The following WDR72 variants were observed in gnomAD, a reference collection of about 807,000 sequenced individuals.
The protein encoded by WDR72 is WD repeat-containing protein 72.
WDR72 carries 120 observed loss-of-function variants against 124.2 expected under a neutral mutation model. The ratio of observed to expected loss-of-function variants is 0.97; its 90% CI spans 0.83 to 1.12. The LOEUF (loss-of-function observed/expected upper bound fraction) is 1.12, where lower values mean the gene tolerates loss of function less well. Ranked by LOEUF, WDR72 falls within the 50% of genes most tolerant of loss-of-function variation. The probability of loss-of-function intolerance (pLI) is 0.00; values close to 1 mark genes in which losing one functional copy is unlikely to be tolerated. For missense variants in WDR72, 1,387 were observed against 1,278.8 expected (o/e 1.08, Z -1.29); for synonymous variants, 452 against 441.7 (o/e 1.02, Z -0.29).
At chr15:53,601,523 T>C (rs1007424362) in intron 17 of WDR72, among the ~76,000 whole-genome samples, 1 of 152,066 alleles carries the variant, frequency 6.6e-6, no homozygotes, top group African/African-American at 2.4e-5. Context: ...TAACCTTAAA[T>C]GTAAATGGAC....
intron 18 of WDR72, among the ~76,000 whole-genome samples, chr15:53,585,602 C>T (rs1478487342): frequency 1.3e-5 from 2 of 152,006 alleles, no homozygotes; most frequent in Non-Finnish European, 2.9e-5. Flanking sequence ...CTGTCTATTT[C>T]AGCAGACTCA....
rs2015750796 is a variant in WDR72, at chr15:53,665,607, G to T, written c.1927C>A (p.Pro643Thr). 2 of 1,613,884 alleles carry T rather than the reference G, an allele frequency of 1.2e-6. No homozygotes were observed. The highest frequency in any genetic ancestry group is 4.5e-5 in the East Asian group (2 of 44,874). Residue 643 changes from proline (P) to threonine (T), a missense_variant, in exon 14 of 20, where the codon CCT becomes ACT. Physicochemically the swap from Pro to Thr is conservative, Grantham distance 38 (BLOSUM62 -1). Transcript: ENST00000360509. ...GACTCCACCTGCAGACCAGGGCAAG[G>T]TAATGGCCCAAGCTGGTAGGGGCTG... is the stretch of plus-strand genomic sequence containing the variant. ...SSSPYQLGPL[P>T]CPGLQVESSC...
At position 53,616,126 on chromosome 15, in the gene WDR72, G is replaced by T. The variant is rs374643853; in HGVS notation, c.2080C>A (p.Leu694Ile). ...FDLENLVELLLPTPLSDVDSS... is the reference protein window; with the variant it reads ...FDLENLVELLIPTPLSDVDSS... ...TCAACATCACTGAGTGGAGTTGGTA[G>T]CAAAAGTTCAACAAGGTTTTCCAGA... Residue 694 changes from leucine to isoleucine, a missense_variant, in exon 15 of 20, where the codon CTA becomes ATA. By Grantham distance (5) the Leu-to-Ile change is conservative. Transcript: ENST00000360509. The T allele has an allele frequency of 5.0e-6, 8 of 1,604,174 alleles. No homozygotes were observed. The highest frequency in any genetic ancestry group is 6.8e-6 in the Non-Finnish European group (8 of 1,174,458).
intron 1 of WDR72, among the ~76,000 whole-genome samples, chr15:53,758,290 A>T (rs2018967866): frequency 6.6e-6 from 1 of 152,276 alleles, no homozygotes; most frequent in East Asian, 1.9e-4. Context: ...CATGAGCCAC[A>T]GCGCCCAGCC....
At chr15:53,518,091 A>AAATT (rs1479311450) in intron 19 of WDR72, among the ~76,000 whole-genome samples, 3 of 152,042 alleles carry the variant, frequency 2.0e-5, no homozygotes, top group African/African-American at 7.2e-5. Context: ...ATTTAGTTTG[A>AAATT]AATTAGTAAA....
chr15:53,608,563 TG>T (rs1212942059), intron 17 of WDR72, among the ~76,000 whole-genome samples: 3 of 151,990 alleles, frequency 2.0e-5, no homozygotes, highest in African/African-American at 7.2e-5. Context: ...GAGACCAGCC[TG>T]GGCAACATGG....
chr15:53,704,949 G>T (rs768944496), intron 11 of WDR72, 39 bp downstream of exon 11: 3 of 1,609,762 alleles, frequency 1.9e-6, no homozygotes, highest in Admixed American at 1.7e-5. Context: ...TGCAGCTTTA[G>T]ATAAATCAAA....
chr15:53,550,850 C>A (rs770453508), intron 18 of WDR72, among the ~76,000 whole-genome samples: 5 of 152,146 alleles, frequency 3.3e-5, no homozygotes, highest in Non-Finnish European at 5.9e-5. Flanking sequence ...AAGACACAGG[C>A]TCTCCATCTC....
chr15:53,718,343 A>G (rs2017772343), intron 3 of WDR72, among the ~76,000 whole-genome samples: 1 of 152,220 alleles, frequency 6.6e-6, no homozygotes, highest in Admixed American at 6.5e-5. Context: ...CAGATATCAA[A>G]TCAGGCCAAT....
intron 18 of WDR72, among the ~76,000 whole-genome samples, chr15:53,592,099 C>T (rs1188535175): frequency 1.3e-5 from 2 of 151,980 alleles, no homozygotes; most frequent in Admixed American, 6.6e-5. Context: ...TAATGTGATC[C>T]CATTACACTT....
At chr15:53,666,619 CTAATT>C (rs559933430) in intron 13 of WDR72, among the ~76,000 whole-genome samples, 10 of 152,194 alleles carry the variant, frequency 6.6e-5, no homozygotes, top group African/African-American at 2.2e-4. Flanking sequence ...CCAAGGAATA[CTAATT>C]TAATAAACAA....
chr15:53,539,061 A>G (rs1406486746), intron 18 of WDR72, among the ~76,000 whole-genome samples: 2 of 152,194 alleles, frequency 1.3e-5, no homozygotes, highest in East Asian at 3.8e-4. Context: ...GATTCTGATG[A>G]CAACACTTTA....
chr15:53,746,799 C>G lies in WDR72; in HGVS notation c.-13+12834G>C, dbSNP rs951945667. 1.4e-4 allele frequency among the ~76,000 whole-genome samples: 22 copies of G among 152,100 alleles called. 1 individual carries two copies. The highest frequency in any genetic ancestry group is 2.9e-5 in the Non-Finnish European group (2 of 68,024). On this transcript the variant is annotated intron_variant, in intron 1 of 19. Transcript: ENST00000360509. ...AGCTTTGGTGTGAAAACTGTACACT[C>G]AATTTGGAATTGTGCACTTTAAAAG...
chr15:53,750,595 A>G (rs1404164599), intron 1 of WDR72, among the ~76,000 whole-genome samples: 1 of 152,220 alleles, frequency 6.6e-6, no homozygotes, highest in Non-Finnish European at 1.5e-5. Context: ...TAGCTGCCAT[A>G]GGTAGAGATT....
intron 18 of WDR72, among the ~76,000 whole-genome samples, chr15:53,590,681 C>A (rs765746483): frequency 6.6e-6 from 1 of 151,990 alleles, no homozygotes; most frequent in East Asian, 1.9e-4. Flanking sequence ...GAGTTTGATT[C>A]CCCGCTCTGC....
chr15:53,581,536 A>G (rs1455029734), intron 18 of WDR72, among the ~76,000 whole-genome samples: 1 of 152,048 alleles, frequency 6.6e-6, no homozygotes. Flanking sequence ...TCATTGGTAA[A>G]AATTAGAAAG....
chr15:53,625,064 G>A (rs2014149409), intron 14 of WDR72, among the ~76,000 whole-genome samples: 1 of 152,084 alleles, frequency 6.6e-6, no homozygotes, highest in African/African-American at 2.4e-5. Context: ...CATGCTAAAA[G>A]CAAAAATACA....
At chr15:53,739,918 G>C (rs1595884123) in intron 1 of WDR72, among the ~76,000 whole-genome samples, 1 of 152,004 alleles carries the variant, frequency 6.6e-6, no homozygotes, top group East Asian at 1.9e-4. Flanking sequence ...ACTTTACCTA[G>C]GAAACTAGTC....
chr15:53,716,746 T>G, intron 3 of WDR72, 61 bp from the exon 4 acceptor site: 1 of 1,316,330 alleles, frequency 7.6e-7, no homozygotes, highest in African/African-American at 1.4e-5. Context: ...TGGAATAATT[T>G]TTGTGCCACC....
Sources: allele counts gnomAD v4.1 joint callset (sites outside exome capture counted in the v4.1 genomes callset), GRCh38; gene constraint gnomAD v4.1.1; transcripts MANE v1.5; gene names NCBI Gene and HGNC (gene_info 2026-07-23, HGNC 2026-07-21).